SLCO1A2: variants seen among roughly 807,000 people sequenced by gnomAD.
The protein encoded by SLCO1A2 is solute carrier organic anion transporter family member 1A2.
Under a neutral mutation model 69.0 loss-of-function variants are expected in SLCO1A2, and 67 were observed. The ratio of observed to expected loss-of-function variants is 0.97; its 90% confidence interval spans 0.80 to 1.19. The LOEUF (loss-of-function observed/expected upper bound fraction) is 1.19, where lower values mean the gene tolerates loss of function less well. Among genes scored for constraint, SLCO1A2 ranks in the 50% most tolerant of loss-of-function variants. The pLI, the probability that SLCO1A2 is intolerant of heterozygous loss-of-function variation, is 0.00. For missense variants in SLCO1A2, 787 were observed against 793.7 expected (o/e 0.99, Z 0.10); for synonymous variants, 260 against 265.9 (o/e 0.98, Z 0.22).
intron 2 of SLCO1A2, among the ~76,000 whole-genome samples, chr12:21,341,971 A>C (rs1052795343): frequency 8.6e-5 from 13 of 152,006 alleles, no homozygotes; most frequent in African/African-American, 3.1e-4. Flanking sequence ...ATCGATGAGC[A>C]TGTGCATATG....
intron 2 of SLCO1A2, among the ~76,000 whole-genome samples, chr12:21,361,512 T>G (rs983788782): frequency 1.3e-5 from 2 of 152,136 alleles, no homozygotes; most frequent in Non-Finnish European, 2.9e-5. Context: ...TCCTTGCCAG[T>G]AATGGAACAA....
At chr12:21,365,744 G>C (rs957268238) in intron 2 of SLCO1A2, among the ~76,000 whole-genome samples, 2 of 152,112 alleles carry the variant, frequency 1.3e-5, no homozygotes, top group Non-Finnish European at 2.9e-5. Flanking sequence ...TGAAGGATAT[G>C]AACAGACACT....
intron 12 of SLCO1A2, among the ~76,000 whole-genome samples, chr12:21,291,548 T>C (rs926671444): frequency 5.3e-5 from 8 of 152,098 alleles, no homozygotes; most frequent in African/African-American, 1.4e-4. Context: ...CAAATTATGT[T>C]CAGGATTGTT....
intron 2 of SLCO1A2, among the ~76,000 whole-genome samples, chr12:21,349,378 A>G (rs757515760): frequency 2.0e-5 from 3 of 152,148 alleles, no homozygotes; most frequent in Non-Finnish European, 4.4e-5. Context: ...TTTGGTTATA[A>G]GAATCAACAA....
chr12:21,296,952 C>T (rs1438632571), intron 9 of SLCO1A2, among the ~76,000 whole-genome samples: 3 of 152,144 alleles, frequency 2.0e-5, no homozygotes, highest in Admixed American at 6.5e-5. Context: ...CAGGAAAAGC[C>T]GAATGTGTGT....
At chr12:21,405,876 T>C (rs183729114) in intron 1 of SLCO1A2, among the ~76,000 whole-genome samples, 1 of 152,334 alleles carries the variant, frequency 6.6e-6, no homozygotes, top group African/African-American at 2.4e-5. Context: ...GCTGTTACCT[T>C]GGACAAGTTA....
At chr12:21,350,950 T>C (rs1937906492) in intron 2 of SLCO1A2, among the ~76,000 whole-genome samples, 1 of 150,884 alleles carries the variant, frequency 6.6e-6, no homozygotes. Context: ...TTAATAAGCA[T>C]ATACTGCGTA....
chr12:21,396,183 T>G, upstream of SLCO1A2, among the ~76,000 whole-genome samples: 3 of 149,960 alleles, frequency 2.0e-5, 1 homozygote, highest in Non-Finnish European at 4.5e-5. Context: ...TTAAAGGAGC[T>G]GATGGAGCTG....
In SLCO1A2 at chr12:21,305,286, C is replaced by A. The variant is rs181626655; in HGVS notation, c.443-713G>T. Among the ~76,000 whole-genome samples the A allele has an allele frequency of 2.2e-3, 331 of 152,288 alleles. 4 individuals carry two copies. The highest frequency in any genetic ancestry group is 2.8e-3 in the Non-Finnish European group (188 of 68,028). ...GAGATCTCTGAAGGATTCTGTAAATCTCTTTGCCATCTATGTTCTAAGCCA... is the reference window on the plus strand; with the variant it reads ...GAGATCTCTGAAGGATTCTGTAAATATCTTTGCCATCTATGTTCTAAGCCA... On this transcript the variant is annotated intron_variant, in intron 5 of 14. Coordinates refer to ENST00000683939, the MANE Select transcript of SLCO1A2 (RefSeq NM_001386879.1).
rs1942010604 is a variant in SLCO1A2 at position 21,265,810 on chromosome 12, T to G, written c.*3738A>C. The G allele has an allele frequency of 1.3e-5, 2 of 152,118 alleles. No individual in the cohort carries two copies. The highest frequency in any genetic ancestry group is 4.1e-4 in the South Asian group (2 of 4,828). The allele number at this position is 152,118 out of a possible 1,614,324, so 9.4% of individuals were successfully genotyped here. A position where few individuals can be genotyped will look rare whatever the true frequency, so the allele number is the denominator to read the frequency against. Reference sequence around the variant, plus strand: ...TTTTCCTTTTCCCCTTGGTAATAAATTTGAGGGATCTAAGAATGCCAGAAC... The same window carrying G: ...TTTTCCTTTTCCCCTTGGTAATAAAGTTGAGGGATCTAAGAATGCCAGAAC... On this transcript the variant is annotated 3_prime_UTR_variant, in exon 15 of 15. Coordinates refer to ENST00000683939, the MANE Select transcript of SLCO1A2 (RefSeq NM_001386879.1).
chr12:21,398,988 C>T (rs1233638901), upstream of SLCO1A2, among the ~76,000 whole-genome samples: 62 of 150,494 alleles, frequency 4.1e-4, no homozygotes, highest in Non-Finnish European at 8.7e-4. Context: ...CCTCTCTCAC[C>T]ACTCCTATTC....
intron 2 of SLCO1A2, among the ~76,000 whole-genome samples, chr12:21,345,862 G>A (rs560393854): frequency 3.9e-5 from 6 of 151,976 alleles, no homozygotes; most frequent in Admixed American, 1.3e-4. Context: ...TTTAAATAAT[G>A]TTCAGTTTGC....
intron 1 of SLCO1A2, among the ~76,000 whole-genome samples, chr12:21,408,378 TC>T (rs1941856184): frequency 6.6e-6 from 1 of 152,052 alleles, no homozygotes; most frequent in East Asian, 1.9e-4. Context: ...TCATCATTCC[TC>T]CCTCAGCAAC....
At position 21,410,815 on chromosome 12, in the gene SLCO1A2, G is replaced by A. The variant is rs149434572; in HGVS notation, c.-312+7067C>T. On this transcript the variant is annotated intron_variant, in intron 1 of 4. Transcript: ENST00000413682. ...AAATTACATCTCATTATTTCAATGT[G>A]TATTTCTCTGATCATTAAAGAGAGT... Among the ~76,000 whole-genome samples the A allele has an allele frequency of 3.2e-3, 488 of 152,162 alleles. 3 individuals are homozygous for A. Among genetic ancestry groups the A allele is most frequent in the African/African-American group, 0.011 (450 of 41,500 alleles).
At chr12:21,361,492 G>C (rs1304902081) in intron 2 of SLCO1A2, among the ~76,000 whole-genome samples, 2 of 152,306 alleles carry the variant, frequency 1.3e-5, no homozygotes, top group South Asian at 4.1e-4. Flanking sequence ...CTCCTCCAAA[G>C]GAACAGAGCT....
At chr12:21,274,997 G>C (rs1565462226) in intron 13 of SLCO1A2, 1 of 1,022,598 alleles carries the variant, frequency 9.8e-7, no homozygotes, top group Non-Finnish European at 1.2e-6. Context: ...CTCTTTGTGT[G>C]CTGCATTCTC....
chr12:21,372,538 C>T (rs1939876313), intron 2 of SLCO1A2, among the ~76,000 whole-genome samples: 1 of 152,140 alleles, frequency 6.6e-6, no homozygotes, highest in African/African-American at 2.4e-5. Context: ...TTTAGATATA[C>T]CAAAAGTCTG....
intron 12 of SLCO1A2, among the ~76,000 whole-genome samples, chr12:21,282,841 G>A (rs921128064): frequency 6.6e-6 from 1 of 151,908 alleles, no homozygotes; most frequent in Non-Finnish European, 1.5e-5. Flanking sequence ...AGCTACAAAT[G>A]CAATAAAATC....
intron 4 of SLCO1A2, among the ~76,000 whole-genome samples, chr12:21,313,362 T>A (rs1288917453): frequency 5.3e-5 from 8 of 152,226 alleles, no homozygotes; most frequent in Admixed American, 5.2e-4. Context: ...TAAAGTGAAA[T>A]GCAGTAAAGC....
Sources: allele counts gnomAD v4.1 joint callset (sites outside exome capture counted in the v4.1 genomes callset), GRCh38; gene constraint gnomAD v4.1.1; transcripts MANE v1.5; gene names NCBI Gene and HGNC (gene_info 2026-07-23, HGNC 2026-07-21).